The following PUM2 variants were observed in gnomAD, a reference collection of about 807,000 sequenced individuals.
The protein encoded by PUM2 is pumilio RNA binding family member 2, also known as pumilio homolog 2.
A neutral mutation model predicts 124.5 loss-of-function variants in PUM2; 57 were observed. The observed-to-expected ratio is 0.46, with a 90% CI of 0.37 to 0.57. The LOEUF (loss-of-function observed/expected upper bound fraction) is 0.57, where lower values mean the gene tolerates loss of function less well. PUM2 is among the 20% of genes least tolerant of loss of function. The probability of loss-of-function intolerance (pLI) is 0.00; values close to 1 mark genes in which losing one functional copy is unlikely to be tolerated. For synonymous variants in PUM2, 460 were observed against 446.1 expected (o/e 1.03, Z -0.39); for missense variants, 1,065 against 1,290.6 (o/e 0.83, Z 2.68).
At chr2:20,296,985 G>A (rs1199988392) in intron 8 of PUM2, among the ~76,000 whole-genome samples, 5 of 152,140 alleles carry the variant, frequency 3.3e-5, no homozygotes, top group African/African-American at 9.7e-5. Flanking sequence ...GTGAGCCACT[G>A]CACCTGGCCA....
chr2:20,318,470 A>T, intron 3 of PUM2, 67 bp downstream of exon 3: 1 of 1,378,424 alleles, frequency 7.3e-7, no homozygotes, highest in Non-Finnish European at 1.0e-6. Context: ...TCTAAAAAAA[A>T]AGGTGCATTA....
rs138441889 is a variant in PUM2 at position 20,328,162 on chromosome 2, C to T, written c.-18-784G>A. On this transcript the variant is annotated intron_variant, in intron 1 of 20. Transcript: ENST00000361078. ...CAGCCTGGCCAACATGGTGAAACCC[C>T]GTCTCTACCAAAAATACAAAAAAAT... 2.1e-3 allele frequency among the ~76,000 whole-genome samples: 316 copies of T among 152,180 alleles called. 1 individual carries two copies. The highest frequency in any genetic ancestry group is 7.3e-3 in the African/African-American group (305 of 41,540).
At chr2:20,324,248 G>A (rs1683129757) in intron 2 of PUM2, among the ~76,000 whole-genome samples, 1 of 152,128 alleles carries the variant, frequency 6.6e-6, no homozygotes, top group South Asian at 2.1e-4. Context: ...AGATCTAGGA[G>A]AAAACACAAG....
At chr2:20,275,757 T>A (rs1311743469) in intron 13 of PUM2, among the ~76,000 whole-genome samples, 1 of 151,682 alleles carries the variant, frequency 6.6e-6, no homozygotes, top group Admixed American at 6.6e-5. Flanking sequence ...AATACTACTA[T>A]GGGGAAGCAA....
intron 7 of PUM2, among the ~76,000 whole-genome samples, chr2:20,300,338 G>A (rs765065758): frequency 6.6e-6 from 1 of 152,018 alleles, no homozygotes; most frequent in Non-Finnish European, 1.5e-5. Flanking sequence ...TAGTAGAGAC[G>A]GGGTTTCTCC....
chr2:20,322,779 G>C lies in PUM2; in HGVS notation c.52-4134C>G, dbSNP rs887240968. Among the ~76,000 whole-genome samples, 13 of 152,114 alleles carry C rather than the reference G, an allele frequency of 8.5e-5. 2 individuals are homozygous for C. In the South Asian group the frequency reaches 2.1e-3, roughly 24 times the overall value. On this transcript the variant is annotated intron_variant, in intron 2 of 20. Coordinates refer to ENST00000361078, the MANE Select transcript of PUM2 (RefSeq NM_015317.5). ...GACAATGCCACTGCACTCCAGCTTG[G>C]GCCACAGAGCAAGATCCTGCCTCCA...
intron 17 of PUM2, 137 bp downstream of exon 17, chr2:20,255,896 T>G: frequency 1.1e-6 from 1 of 871,232 alleles, no homozygotes; most frequent in Non-Finnish European, 1.6e-6. Context: ...AAGAAATTAA[T>G]GTACATTTAC....
intron 13 of PUM2, among the ~76,000 whole-genome samples, chr2:20,267,796 G>A (rs1558506982): frequency 2.0e-5 from 3 of 152,254 alleles, no homozygotes; most frequent in African/African-American, 4.8e-5. Context: ...TATCTCATAC[G>A]ACAGTGTGCC....
At chr2:20,327,408 C>A (rs757777453) in intron 1 of PUM2, 30 bp from the exon 2 acceptor site, 1 of 1,370,612 alleles carries the variant, frequency 7.3e-7, no homozygotes, top group African/African-American at 1.5e-5. Flanking sequence ...AAAATTAGTA[C>A]AAAGAAATGT....
At chr2:20,260,760 T>C (rs989358154) in intron 14 of PUM2, among the ~76,000 whole-genome samples, 1 of 152,198 alleles carries the variant, frequency 6.6e-6, no homozygotes. Flanking sequence ...TATTCATTTA[T>C]TTTTCATAAT....
intron 3 of PUM2, among the ~76,000 whole-genome samples, chr2:20,314,988 A>AAGC (rs1178083666): frequency 1.3e-5 from 2 of 151,746 alleles, no homozygotes; most frequent in Non-Finnish European, 2.9e-5. Context: ...AAAAAAAAAA[A>AAGC]AGCAAAAGTA....
intron 12 of PUM2, among the ~76,000 whole-genome samples, chr2:20,279,257 A>G (rs1464521622): frequency 6.6e-6 from 1 of 152,154 alleles, no homozygotes; most frequent in Non-Finnish European, 1.5e-5. Context: ...TGAATAAATA[A>G]TTAGTACATT....
At chr2:20,262,327 T>C (rs748804244) in intron 14 of PUM2, among the ~76,000 whole-genome samples, 5 of 152,254 alleles carry the variant, frequency 3.3e-5, no homozygotes, top group African/African-American at 1.2e-4. Flanking sequence ...TAATCTTTTA[T>C]ACTATAGTTT....
intron 16 of PUM2, among the ~76,000 whole-genome samples, chr2:20,257,836 A>T (rs186371471): frequency 0.015 from 2,221 of 152,034 alleles, 66 homozygotes; most frequent in African/African-American, 0.049. Flanking sequence ...CTATATTTTT[A>T]AAAAAAACAT....
chr2:20,348,908 C>G (rs902157740), intron 1 of PUM2, among the ~76,000 whole-genome samples: 6 of 152,090 alleles, frequency 3.9e-5, no homozygotes, highest in African/African-American at 1.4e-4. Flanking sequence ...GCAGTCTGGG[C>G]GACAGAACCA....
intron 7 of PUM2, among the ~76,000 whole-genome samples, chr2:20,307,399 GATAAA>G (rs756974731): frequency 2.0e-4 from 30 of 152,156 alleles, no homozygotes; most frequent in Non-Finnish European, 3.5e-4. Flanking sequence ...ATCTACACCT[GATAAA>G]ATAAAATAAA....
intron 7 of PUM2, among the ~76,000 whole-genome samples, chr2:20,304,493 A>G (rs1572826709): frequency 6.6e-6 from 1 of 152,240 alleles, no homozygotes; most frequent in Non-Finnish European, 1.5e-5. Flanking sequence ...TTCCTATTTC[A>G]GCACCCATAA....
At chr2:20,337,933 A>G (rs1686461380) in intron 1 of PUM2, among the ~76,000 whole-genome samples, 1 of 152,184 alleles carries the variant, frequency 6.6e-6, no homozygotes, top group Non-Finnish European at 1.5e-5. Flanking sequence ...AATCCAGCAA[A>G]GTCAATACTG....
chr2:20,326,059 A>C (rs1478222666), intron 2 of PUM2, among the ~76,000 whole-genome samples: 1 of 152,246 alleles, frequency 6.6e-6, no homozygotes, highest in Admixed American at 6.5e-5. Flanking sequence ...CCAGGAAAGA[A>C]CAAAAGCCCT....
Sources: gnomAD v4.1 joint callset for allele counts (sites outside exome capture counted in the v4.1 genomes callset) on GRCh38, gnomAD v4.1.1 for gene constraint, MANE v1.5 for transcripts, NCBI Gene and HGNC (gene_info 2026-07-23, HGNC 2026-07-21) for gene names.